Variants in GSDMA observed in about 807,000 individuals in gnomAD.
The protein encoded by GSDMA is gasdermin A.
Under a neutral mutation model 54.3 loss-of-function variants are expected in GSDMA, and 55 were observed. The ratio of observed to expected loss-of-function variants is 1.01; its 90% confidence interval spans 0.82 to 1.27. The LOEUF (loss-of-function observed/expected upper bound fraction) is 1.27, where lower values mean the gene tolerates loss of function less well. Among genes scored for constraint, GSDMA ranks in the 50% most tolerant of loss-of-function variants. GSDMA has a pLI of 0.00. For missense variants in GSDMA, 542 were observed against 542.6 expected (o/e 1.00, Z 0.01); for synonymous variants, 211 against 224.7 (o/e 0.94, Z 0.54).
chr17:39,975,036 C>T, intron 10 of GSDMA, 22 bp downstream of exon 10: 1 of 1,301,010 alleles, frequency 7.7e-7, no homozygotes, highest in South Asian at 1.2e-5. Context: ...ATAAGGTCTT[C>T]ATTTATAGAC....
chr17:39,963,945 C>CA (rs1382767069), intron 1 of GSDMA, among the ~76,000 whole-genome samples: 2 of 152,236 alleles, frequency 1.3e-5, no homozygotes, highest in Non-Finnish European at 2.9e-5. Context: ...CTCAGGGCCA[C>CA]ATTCATTGGT....
At chr17:39,970,421 GAGGGTGTGGTAC>G in intron 3 of GSDMA, 49 bp from the exon 4 acceptor site, 1 of 1,378,414 alleles carries the variant, frequency 7.3e-7, no homozygotes, top group Non-Finnish European at 9.6e-7. Flanking sequence ...AAGGAAAGAG[GAGGGTGTGGTAC>G]AGGCAGGAAG....
At chr17:39,965,096 G>A (rs546547155) in intron 1 of GSDMA, among the ~76,000 whole-genome samples, 1 of 151,742 alleles carries the variant, frequency 6.6e-6, no homozygotes, top group Admixed American at 6.6e-5. Flanking sequence ...CTCCAACCTG[G>A]GCAACAGAGT....
rs184220862 is a variant in GSDMA, at chr17:39,971,832, T to C, written c.655+212T>C. On this transcript the variant is annotated intron_variant, in intron 5 of 11. Coordinates refer to ENST00000301659, the MANE Select transcript of GSDMA (RefSeq NM_178171.5). ...TTCTGGGTGCTGGGCACTGTGGTTA[T>C]TGGGGGAGGGGGTACAAATATGAAC... Among the ~76,000 whole-genome samples, 469 of 152,208 alleles carry C rather than the reference T, an allele frequency of 3.1e-3. 2 individuals carry two copies. Among genetic ancestry groups the C allele is most frequent in the Non-Finnish European group, 5.4e-3 (364 of 68,022 alleles).
At position 39,976,872 on chromosome 17, in the gene GSDMA, G is replaced by A; in HGVS notation, c.1152G>A (p.Leu384=). 3 of 1,613,944 alleles carry A rather than the reference G, an allele frequency of 1.9e-6. No homozygotes were observed. The highest frequency in any genetic ancestry group is 2.5e-6 in the Non-Finnish European group (3 of 1,179,882). Residue 384 remains leucine (L), a synonymous_variant, in exon 12 of 12, where the codon CTG becomes CTA. Transcript: ENST00000301659. Reference sequence around the variant, plus strand: ...TGGATAAAGAGGGTGTTTTCCCCCTGCAACCTGAGCTGCTCTCCTCCCTTG... The same window carrying A: ...TGGATAAAGAGGGTGTTTTCCCCCTACAACCTGAGCTGCTCTCCTCCCTTG... ...FLLDKEGVFP[L]QPELLSSLGD... is the part of the protein sequence containing the mutation.
Position 39,977,021 on chromosome 17 carries a change from G to A in GSDMA, c.1301G>A (p.Gly434Asp). The A allele has an allele frequency of 1.2e-6, 2 of 1,613,846 alleles. No individual in the cohort carries two copies. The highest frequency in any genetic ancestry group is 8.5e-7 in the Non-Finnish European group (1 of 1,179,866). Residue 434 changes from glycine to aspartate, a missense_variant, in exon 12 of 12, where the codon GGC (glycine) becomes GAC (aspartate). Physicochemically the swap from Gly to Asp is moderately conservative, Grantham distance 94. Coordinates refer to ENST00000301659, the MANE Select transcript of GSDMA (RefSeq NM_178171.5). ...CCTCGCCTCTGTGCTCTTTATGCAG[G>A]CCTCTCTCTCCTTCAGCAGCTTACC... ...TLPRLCALYA[G>D]LSLLQQLTKA... is the part of the protein sequence containing the mutation.
At chr17:39,966,475 G>T in intron 3 of GSDMA, 38 bp downstream of exon 3, 1 of 1,537,942 alleles carries the variant, frequency 6.5e-7, no homozygotes, top group Non-Finnish European at 8.8e-7. Context: ...CCGGGATGTG[G>T]GTGGGGCAGT....
intron 1 of GSDMA, among the ~76,000 whole-genome samples, chr17:39,963,881 C>T (rs1979520263): frequency 6.6e-6 from 1 of 152,088 alleles, no homozygotes; most frequent in African/African-American, 2.4e-5. Context: ...TGTTGCCTCT[C>T]AGGTTCCCAT....
At chr17:39,971,755 A>C (rs929996803) in intron 5 of GSDMA, 135 bp downstream of exon 5, 1 of 666,678 alleles carries the variant, frequency 1.5e-6, no homozygotes, top group Non-Finnish European at 2.6e-6. Flanking sequence ...GACTGCAGCC[A>C]TGGAGCCTGC....
intron 6 of GSDMA, 107 bp downstream of exon 6, chr17:39,972,283 C>A: frequency 2.4e-6 from 2 of 817,140 alleles, no homozygotes; most frequent in Non-Finnish European, 4.0e-6. Context: ...CCCCAAGGAG[C>A]CTCTGCTTTT....
chr17:39,975,889 A>G (rs1411202286), intron 10 of GSDMA, 35 bp from the exon 11 acceptor site: 2 of 1,515,254 alleles, frequency 1.3e-6, no homozygotes, highest in African/African-American at 1.4e-5. Context: ...CCTCTGCACC[A>G]GCAACACACA....
chr17:39,976,923 G>A lies in GSDMA; in HGVS notation c.1203G>A (p.Glu401=). The change falls in exon 12 of 12, where the codon GAG becomes GAA. Residue 401 remains glutamate, a synonymous_variant. Coordinates refer to ENST00000301659, the MANE Select transcript of GSDMA (RefSeq NM_178171.5). ...GGGACGAGGAGCTGACCCTCACGGA[G>A]GCTCTAGTCGGGCTGAGTGGCCTGG... ...SLGDEELTLT[E]ALVGLSGLEV... is the part of the protein sequence containing the mutation. 1.2e-6 allele frequency: 2 copies of A among 1,614,036 alleles called. No individual in the cohort carries two copies. The highest frequency in any genetic ancestry group is 2.2e-5 in the South Asian group (2 of 91,088).
intron 5 of GSDMA, 75 bp downstream of exon 5, chr17:39,971,695 C>T: frequency 1.8e-6 from 2 of 1,099,072 alleles, no homozygotes; most frequent in Non-Finnish European, 2.8e-6. Context: ...CTGGTCCCCT[C>T]TTGCGGAAAT....
intron 4 of GSDMA, among the ~76,000 whole-genome samples, chr17:39,971,056 G>A (rs1433768481): frequency 6.6e-6 from 1 of 152,230 alleles, no homozygotes; most frequent in Admixed American, 6.5e-5. Context: ...ATAAGGAATG[G>A]TCTCCATACC....
At chr17:39,973,867 A>G (rs1218252575) in intron 8 of GSDMA, 37 bp downstream of exon 8, 2 of 1,597,264 alleles carry the variant, frequency 1.3e-6, no homozygotes, top group Non-Finnish European at 1.7e-6. Flanking sequence ...AGACTTTGGC[A>G]TGGAGGTAGC....
At chr17:39,973,414 C>T (rs566209763) in intron 7 of GSDMA, among the ~76,000 whole-genome samples, 2 of 151,486 alleles carry the variant, frequency 1.3e-5, no homozygotes, top group African/African-American at 2.4e-5. Context: ...GGATAACAGG[C>T]GCGGGCCACC....
chr17:39,970,596 C>A lies in GSDMA; in HGVS notation c.507C>A (p.Gly169=). 1 of 1,598,828 alleles carries A rather than the reference C, an allele frequency of 6.3e-7. No individual in the cohort carries two copies. The highest frequency in any genetic ancestry group is 8.5e-7 in the Non-Finnish European group (1 of 1,172,470). The change falls in exon 4 of 12, where the codon GGC becomes GGA. Residue 169 remains glycine (G), a synonymous_variant. Transcript: ENST00000301659. ...AGGAGGTCACACTGGAGCGAGCCGG[C>A]AAGGCAGAGGCCTGCTTCTCCCTCC... ...TVQEVTLERA[G]KAEACFSLPF... is the part of the protein sequence containing the mutation.
At chr17:39,967,428 C>A (rs1169705749) in intron 3 of GSDMA, among the ~76,000 whole-genome samples, 6 of 152,118 alleles carry the variant, frequency 3.9e-5, no homozygotes, top group Admixed American at 3.9e-4. Flanking sequence ...CTCAAAACCA[C>A]CAAGGGCCAG....
chr17:39,968,219 T>C (rs1979756872), intron 3 of GSDMA, among the ~76,000 whole-genome samples: 1 of 151,704 alleles, frequency 6.6e-6, no homozygotes, highest in Non-Finnish European at 1.5e-5. Flanking sequence ...TTTGTATTAT[T>C]AGTAGAGATG....
Sources: allele counts gnomAD v4.1 joint callset (sites outside exome capture counted in the v4.1 genomes callset), GRCh38; gene constraint gnomAD v4.1.1; transcripts MANE v1.5; gene names NCBI Gene and HGNC (gene_info 2026-07-23, HGNC 2026-07-21).